The following SMAD3 variants were observed in gnomAD, a reference collection of about 807,000 sequenced individuals.
SMAD3 encodes MAD homolog 3.
A neutral mutation model predicts 51.8 loss-of-function variants in SMAD3; 12 were observed. The ratio of observed to expected loss-of-function variants is 0.23; its 90% CI spans 0.15 to 0.38. The LOEUF (loss-of-function observed/expected upper bound fraction) is 0.38, where lower values mean the gene tolerates loss of function less well. Ranked by LOEUF, SMAD3 falls within the 10% of genes least tolerant of loss-of-function variation. The probability of loss-of-function intolerance (pLI) is 1.00; values close to 1 mark genes in which losing one functional copy is unlikely to be tolerated. For synonymous variants in SMAD3, 238 were observed against 227.7 expected, an observed-to-expected ratio of 1.05 and a Z score of -0.41; for missense variants, 294 against 565.6, an observed-to-expected ratio of 0.52 and a Z score of 4.87.
At chr15:67,154,118 C>T (rs1392736861) in intron 1 of SMAD3, among the ~76,000 whole-genome samples, 1 of 152,130 alleles carries the variant, frequency 6.6e-6, no homozygotes, top group East Asian at 1.9e-4. Context: ...TGTCATGGAC[C>T]TGAGCCGGCT....
intron 1 of SMAD3, among the ~76,000 whole-genome samples, chr15:67,138,928 G>A (rs184450280): frequency 6.6e-6 from 1 of 152,332 alleles, no homozygotes; most frequent in Non-Finnish European, 1.5e-5. Flanking sequence ...AATTTGATCA[G>A]TGTTTAAGGA....
At position 67,066,055 on chromosome 15, in the gene SMAD3, C is replaced by G; in HGVS notation, c.-100C>G. The G allele has an allele frequency of 2.9e-6, 2 of 696,320 alleles. No individual in the cohort carries two copies. Among genetic ancestry groups the G allele is most frequent in the Non-Finnish European group, 4.1e-6 (2 of 482,754 alleles). The allele number at this position is 696,320 out of a possible 1,614,324, so 43.1% of individuals were successfully genotyped here. A position where few individuals can be genotyped will look rare whatever the true frequency, so the allele number is the denominator to read the frequency against. ...AGAGTTGAGGCGAAGTTTGGGCGACCGCGGCAGGCCCCGGCCGAGCTCCCC... is the reference window on the plus strand; with the variant it reads ...AGAGTTGAGGCGAAGTTTGGGCGACGGCGGCAGGCCCCGGCCGAGCTCCCC... On this transcript the variant is annotated 5_prime_UTR_variant, in exon 1 of 9. Transcript: ENST00000327367.
intron 4 of SMAD3, 96 bp downstream of exon 4, chr15:67,166,949 C>A: frequency 1.1e-6 from 1 of 944,738 alleles, no homozygotes; most frequent in African/African-American, 1.6e-5. Flanking sequence ...CCCTCCCTCC[C>A]TTCTATCTCT....
At chr15:67,079,502 C>T (rs1181923319) in intron 1 of SMAD3, among the ~76,000 whole-genome samples, 1 of 152,112 alleles carries the variant, frequency 6.6e-6, no homozygotes, top group Non-Finnish European at 1.5e-5. Context: ...TTGGCCATGT[C>T]CAAGCATTTG....
At chr15:67,133,234 G>A (rs113928967) in intron 1 of SMAD3, among the ~76,000 whole-genome samples, 12 of 152,214 alleles carry the variant, frequency 7.9e-5, no homozygotes, top group African/African-American at 2.9e-4. Context: ...CTGAACTGCT[G>A]GTGAACACGG....
chr15:67,104,116 C>G (rs939704049), intron 1 of SMAD3, among the ~76,000 whole-genome samples: 4 of 152,112 alleles, frequency 2.6e-5, no homozygotes, highest in Non-Finnish European at 4.4e-5. Context: ...CAGATAAGAT[C>G]GGATTTCAGG....
intron 1 of SMAD3, among the ~76,000 whole-genome samples, chr15:67,099,219 C>A (rs1441516750): frequency 6.6e-6 from 1 of 152,198 alleles, no homozygotes; most frequent in Non-Finnish European, 1.5e-5. Context: ...ATTCAGCATG[C>A]TGATTATGGG....
intron 1 of SMAD3, among the ~76,000 whole-genome samples, chr15:67,148,990 A>G (rs1010700655): frequency 5.3e-5 from 8 of 152,198 alleles, no homozygotes; most frequent in African/African-American, 1.9e-4. Context: ...TCACTTCATC[A>G]TACCAGGCCT....
At chr15:67,122,427 G>C (rs115722495) in intron 1 of SMAD3, among the ~76,000 whole-genome samples, 1 of 152,142 alleles carries the variant, frequency 6.6e-6, no homozygotes, top group East Asian at 1.9e-4. Flanking sequence ...ACTGCTTTCC[G>C]TACGGTAATC....
chr15:67,177,800 T>G (rs1430183035), intron 5 of SMAD3, among the ~76,000 whole-genome samples: 1 of 152,022 alleles, frequency 6.6e-6, no homozygotes, highest in Non-Finnish European at 1.5e-5. Context: ...CCATACTTTC[T>G]GGTCTGCCAC....
Position 67,191,211 on chromosome 15 carries a change from C to T in SMAD3, c.*675C>T, listed in dbSNP as rs1283714996. ...GGACAGCGGGAAAAATCGATGAGCG[C>T]CACCTCTTTAAAAACTCACTTACGT... On this transcript the variant is annotated 3_prime_UTR_variant, in exon 9 of 9. Coordinates refer to ENST00000327367, the MANE Select transcript of SMAD3 (RefSeq NM_005902.4). 8.6e-6 allele frequency: 2 copies of T among 233,658 alleles called. No homozygotes were observed. The highest frequency in any genetic ancestry group is 8.4e-6 in the Non-Finnish European group (1 of 118,358). The allele number at this position is 233,658 out of a possible 1,614,324, so 14.5% of individuals were successfully genotyped here. A position where few individuals can be genotyped will look rare whatever the true frequency, so the allele number is the denominator to read the frequency against.
At chr15:67,187,032 T>A in intron 7 of SMAD3, 2 of 501,484 alleles carry the variant, frequency 4.0e-6, no homozygotes, top group Non-Finnish European at 7.8e-6. Context: ...AAGGCCCCCC[T>A]CTCCACACCA....
rs1165259401 is a variant in SMAD3, at chr15:67,165,043, G to A, written c.355G>A (p.Glu119Lys). The change falls in exon 2 of 9, where the codon GAG (glutamate) becomes AAG (lysine). Residue 119 changes from glutamate to lysine, a missense_variant. Physicochemically the swap from Glu to Lys is moderately conservative, Grantham distance 56. Transcript: ENST00000327367. ...CEFAFNMKKD[E>K]VCVNPYHYQR... ...GTTCGCCTTCAATATGAAGAAGGACGAGGTCTGCGTGAATCCCTACCACTA... is the reference window on the plus strand; with the variant it reads ...GTTCGCCTTCAATATGAAGAAGGACAAGGTCTGCGTGAATCCCTACCACTA... 4 of 1,614,048 alleles carry A rather than the reference G, an allele frequency of 2.5e-6. No individual in the cohort carries two copies. Among genetic ancestry groups the A allele is most frequent in the African/African-American group, 2.7e-5 (2 of 74,946 alleles).
At chr15:67,130,650 G>T (rs1961503087) in intron 1 of SMAD3, among the ~76,000 whole-genome samples, 1 of 152,224 alleles carries the variant, frequency 6.6e-6, no homozygotes. Context: ...CACAGAGAAA[G>T]AGAATTTGCA....
At chr15:67,131,479 A>G (rs925717120) in intron 1 of SMAD3, among the ~76,000 whole-genome samples, 2 of 152,186 alleles carry the variant, frequency 1.3e-5, no homozygotes, top group African/African-American at 4.8e-5. Context: ...TTTAGGAGCA[A>G]TCACAGTGCT....
chr15:67,108,644 A>C (rs1367291226), intron 1 of SMAD3, among the ~76,000 whole-genome samples: 3 of 152,186 alleles, frequency 2.0e-5, no homozygotes, highest in Non-Finnish European at 2.9e-5. Flanking sequence ...CCTCAAGGAC[A>C]GGGGCTCCAT....
chr15:67,098,545 C>A, intron 1 of SMAD3: 1 of 345,796 alleles, frequency 2.9e-6, no homozygotes, highest in Non-Finnish European at 5.4e-6. Context: ...GCCTCCTCAG[C>A]CCCGGTAGCC....
intron 1 of SMAD3, among the ~76,000 whole-genome samples, chr15:67,106,834 G>A (rs1418452581): frequency 6.6e-6 from 1 of 152,162 alleles, no homozygotes; most frequent in Non-Finnish European, 1.5e-5. Flanking sequence ...TTTGCAAGGT[G>A]ACACTTATCT....
At chr15:67,124,841 T>C (rs1040652693) in intron 1 of SMAD3, among the ~76,000 whole-genome samples, 2 of 152,262 alleles carry the variant, frequency 1.3e-5, no homozygotes, top group African/African-American at 4.8e-5. Context: ...GGCCAGAAGA[T>C]GGACCTGAGC....
Sources: allele counts gnomAD v4.1 joint callset (sites outside exome capture counted in the v4.1 genomes callset), GRCh38; gene constraint gnomAD v4.1.1; transcripts MANE v1.5; gene names NCBI Gene and HGNC (gene_info 2026-07-23, HGNC 2026-07-21).